DAAM2: variants seen among roughly 807,000 people sequenced by gnomAD.
DAAM2 encodes the protein disheveled-associated activator of morphogenesis 2.
DAAM2 carries 39 observed loss-of-function variants against 120.7 expected under a neutral mutation model. The observed-to-expected ratio is 0.32, with a 90% CI of 0.25 to 0.42. The LOEUF (loss-of-function observed/expected upper bound fraction) is 0.42, where lower values mean the gene tolerates loss of function less well. Ranked by LOEUF, DAAM2 falls within the 10% of genes least tolerant of loss-of-function variation. DAAM2 has a pLI of 1.00. For missense variants in DAAM2, 1,283 were observed against 1,401.7 expected, an observed-to-expected ratio of 0.92 and a Z score of 1.35; for synonymous variants, 488 against 524.9, an observed-to-expected ratio of 0.93 and a Z score of 0.96.
rs528651831 is a variant in DAAM2, at chr6:39,877,785, A to G, written c.1302-418A>G. Reference sequence around the variant, plus strand: ...TGCTCTTACGCATTGGTCTTTGGAAACCTGGACCATGGTAGGGCCAATATT... The same window carrying G: ...TGCTCTTACGCATTGGTCTTTGGAAGCCTGGACCATGGTAGGGCCAATATT... On this transcript the variant is annotated intron_variant, in intron 11 of 24. Transcript: ENST00000274867. Among the ~76,000 whole-genome samples the G allele has an allele frequency of 1.6e-4, 25 of 152,278 alleles. No individual in the cohort carries two copies. In the South Asian group the frequency reaches 5.2e-3, roughly 32 times the overall value.
chr6:39,861,592 C>T lies in DAAM2; in HGVS notation c.258+575C>T, dbSNP rs116701493. Reference sequence around the variant, plus strand: ...CTTGATCTCCTCCCTTCTGCTTTCCCAGCGGCTGTGCATTCTTCTCTCTGC... The same window carrying T: ...CTTGATCTCCTCCCTTCTGCTTTCCTAGCGGCTGTGCATTCTTCTCTCTGC... On this transcript the variant is annotated intron_variant, in intron 3 of 24. Transcript: ENST00000274867. The T allele has an allele frequency of 3.1e-3, 580 of 186,286 alleles. 2 individuals are homozygous for T. Among genetic ancestry groups the T allele is most frequent in the African/African-American group, 0.013 (547 of 43,328 alleles). 11.5% of individuals were successfully genotyped at this position (186,286 alleles called of 1,614,324 possible). A position where few individuals can be genotyped will look rare whatever the true frequency, so the allele number is the denominator to read the frequency against.
intron 1 of DAAM2, among the ~76,000 whole-genome samples, chr6:39,840,182 G>A (rs929849944): frequency 3.9e-5 from 6 of 152,046 alleles, no homozygotes; most frequent in African/African-American, 7.2e-5. Flanking sequence ...AGCGAAGATC[G>A]CACCACAGCA....
At chr6:39,856,927 T>C (rs987353628) in intron 2 of DAAM2, among the ~76,000 whole-genome samples, 2 of 152,170 alleles carry the variant, frequency 1.3e-5, no homozygotes, top group Admixed American at 1.3e-4. Context: ...CAGGGGATGA[T>C]TGGCTAGGAA....
chr6:39,804,522 CTGTGTGTGTGTGTG>C (rs10688621), intron 1 of DAAM2, among the ~76,000 whole-genome samples: 1 of 149,346 alleles, frequency 6.7e-6, no homozygotes, highest in African/African-American at 2.5e-5. Context: ...GAGATCAGTT[CTGTGTGTGTGTGTG>C]TGTGTGTGTG....
intron 1 of DAAM2, among the ~76,000 whole-genome samples, chr6:39,831,934 G>A (rs572485572): frequency 3.0e-5 from 3 of 99,220 alleles, no homozygotes; most frequent in South Asian, 4.9e-4. Context: ...GATGCAGTGC[G>A]AGGGCCGGGG....
intron 1 of DAAM2, chr6:39,821,425 G>A (rs2114132887): frequency 6.6e-6 from 1 of 152,420 alleles, no homozygotes. Flanking sequence ...CTTGAGGACT[G>A]AGCTCAGGAT....
At chr6:39,825,454 GC>G (rs1562006619) in intron 1 of DAAM2, among the ~76,000 whole-genome samples, 2 of 131,482 alleles carry the variant, frequency 1.5e-5, no homozygotes, top group East Asian at 2.4e-4. Context: ...TTGGTGGGGG[GC>G]CTTTGTTTCT....
intron 1 of DAAM2, among the ~76,000 whole-genome samples, chr6:39,835,507 C>G (rs1348013236): frequency 6.6e-6 from 1 of 152,080 alleles, no homozygotes; most frequent in Non-Finnish European, 1.5e-5. Context: ...GTGCTCTCTT[C>G]TTTAGCCTGC....
At chr6:39,857,830 G>A (rs1764065767) in intron 2 of DAAM2, among the ~76,000 whole-genome samples, 1 of 152,050 alleles carries the variant, frequency 6.6e-6, no homozygotes, top group Admixed American at 6.5e-5. Context: ...CTGTATGAGG[G>A]TCCTAGGGAT....
chr6:39,842,867 G>T (rs1383244871), intron 1 of DAAM2, among the ~76,000 whole-genome samples: 1 of 151,898 alleles, frequency 6.6e-6, no homozygotes, highest in African/African-American at 2.4e-5. Flanking sequence ...CATGAGATTG[G>T]GGTGAGGGGT....
In DAAM2 at chr6:39,901,422, A is replaced by G; in HGVS notation, c.2932A>G (p.Met978Val). The change falls in exon 24 of 25, where the codon ATG becomes GTG. Residue 978 changes from methionine to valine, a missense_variant. Coordinates refer to ENST00000274867, the MANE Select transcript of DAAM2 (RefSeq NM_001201427.2). The surrounding 1 kb of genome is among the most constrained non-coding windows in gnomAD (Gnocchi z 4.5). Reference sequence around the variant, plus strand: ...AGAGGCCCGGCAGGATCTAGAGGCCATGAGGAGGAGGAAGGAGGAGGAGGA... The same window carrying G: ...AGAGGCCCGGCAGGATCTAGAGGCCGTGAGGAGGAGGAAGGAGGAGGAGGA... ...FSEARQDLEAMRRRKEEEERR... is the reference protein window; with the variant it reads ...FSEARQDLEAVRRRKEEEERR... The G allele has an allele frequency of 3.1e-6, 5 of 1,613,382 alleles. No homozygotes were observed. In the South Asian group the frequency reaches 5.5e-5, roughly 18 times the overall value.
chr6:39,898,401 G>A (rs1766254855), intron 21 of DAAM2, among the ~76,000 whole-genome samples: 2 of 152,184 alleles, frequency 1.3e-5, no homozygotes, highest in Admixed American at 6.5e-5. Flanking sequence ...AAGGAAATGT[G>A]GGTGGGGCAC....
At chr6:39,831,009 T>C (rs1762862978) in intron 1 of DAAM2, among the ~76,000 whole-genome samples, 1 of 152,210 alleles carries the variant, frequency 6.6e-6, no homozygotes, top group South Asian at 2.1e-4. Flanking sequence ...CGTGAGGGTG[T>C]GGGCATCATC....
intron 22 of DAAM2, chr6:39,899,839 G>A (rs1766362893): frequency 2.6e-6 from 1 of 382,024 alleles, no homozygotes; most frequent in Admixed American, 4.2e-5. Context: ...CCTAGGTGAT[G>A]CTGCTGGCCC....
chr6:39,795,998 G>A (rs1042030622), intron 1 of DAAM2, among the ~76,000 whole-genome samples: 1 of 152,132 alleles, frequency 6.6e-6, no homozygotes, highest in African/African-American at 2.4e-5. Flanking sequence ...GTCAGAGAGC[G>A]GGTAGGCAGC....
intron 20 of DAAM2, 54 bp downstream of exon 20, chr6:39,897,034 G>A (rs903759499): frequency 6.4e-7 from 1 of 1,565,974 alleles, no homozygotes; most frequent in South Asian, 1.2e-5. Flanking sequence ...CCCTACCCTG[G>A]CCTCTCACAT....
intron 1 of DAAM2, among the ~76,000 whole-genome samples, chr6:39,804,075 A>G (rs1761941541): frequency 6.6e-6 from 1 of 151,216 alleles, no homozygotes; most frequent in African/African-American, 2.4e-5. Flanking sequence ...GTTATTTTTA[A>G]CTCTTTCAGA....
At chr6:39,849,781 G>A (rs1763737208) in intron 1 of DAAM2, among the ~76,000 whole-genome samples, 2 of 152,176 alleles carry the variant, frequency 1.3e-5, no homozygotes, top group South Asian at 4.1e-4. Flanking sequence ...TGTGGTGTAG[G>A]TGGGCAGTGG....
intron 15 of DAAM2, chr6:39,886,732 G>A: frequency 2.9e-6 from 1 of 348,274 alleles, no homozygotes. Flanking sequence ...AGCCTTTCCT[G>A]TAAGGACACA....
Sources: allele counts gnomAD v4.1 joint callset (sites outside exome capture counted in the v4.1 genomes callset), GRCh38; gene constraint gnomAD v4.1.1; non-coding constraint Gnocchi (gnomAD v3.1); transcripts MANE v1.5; gene names NCBI Gene and HGNC (gene_info 2026-07-23, HGNC 2026-07-21).